The following CTNNA3 variants were observed in gnomAD, a reference collection of about 807,000 sequenced individuals.
CTNNA3 encodes the protein catenin alpha-3.
CTNNA3 carries 76 observed loss-of-function variants against 95.7 expected under a neutral mutation model. The ratio of observed to expected loss-of-function variants is 0.79; its 90% CI spans 0.66 to 0.96. CTNNA3 has a LOEUF of 0.96. CTNNA3 is among the 40% of genes least tolerant of loss of function. The pLI is 0.00. For synonymous variants in CTNNA3, 431 were observed against 374.4 expected (o/e 1.15, Z -1.74); for missense variants, 1,191 against 1,089.8 (o/e 1.09, Z -1.31).
intron 13 of CTNNA3, among the ~76,000 whole-genome samples, chr10:66,208,188 G>A (rs1186933779): frequency 2.0e-5 from 3 of 152,046 alleles, no homozygotes; most frequent in African/African-American, 4.8e-5. Flanking sequence ...TCTCATCTGC[G>A]GGGTAAGAAT....
intron 13 of CTNNA3, among the ~76,000 whole-genome samples, chr10:66,243,875 G>T (rs1251085775): frequency 4.0e-5 from 6 of 151,774 alleles, no homozygotes; most frequent in African/African-American, 1.5e-4. Flanking sequence ...ATGGACCTTG[G>T]GTGAGACTTT....
At chr10:66,427,994 T>C (rs1438321312) in intron 11 of CTNNA3, among the ~76,000 whole-genome samples, 1 of 152,092 alleles carries the variant, frequency 6.6e-6, no homozygotes, top group Non-Finnish European at 1.5e-5. Context: ...CAGTGTGCTG[T>C]ATTCAGGAAA....
chr10:67,221,116 T>C (rs1864631713), intron 5 of CTNNA3, among the ~76,000 whole-genome samples: 1 of 152,124 alleles, frequency 6.6e-6, no homozygotes, highest in Admixed American at 6.5e-5. Context: ...AAAACATTCA[T>C]GAAAAACTGC....
chr10:67,686,662 G>C (rs891706330), intron 1 of CTNNA3, among the ~76,000 whole-genome samples: 7 of 152,098 alleles, frequency 4.6e-5, no homozygotes, highest in African/African-American at 1.7e-4. Context: ...CACTAAGACA[G>C]CCACCGCCAC....
intron 12 of CTNNA3, among the ~76,000 whole-genome samples, chr10:66,330,014 T>C (rs2092305352): frequency 6.6e-6 from 1 of 152,054 alleles, no homozygotes; most frequent in Admixed American, 6.6e-5. Flanking sequence ...AAATAAAATA[T>C]AGAACAGGCA....
chr10:66,746,132 T>A (rs1286180715), intron 9 of CTNNA3, among the ~76,000 whole-genome samples: 2 of 152,164 alleles, frequency 1.3e-5, no homozygotes. Flanking sequence ...AGCTTTTCCA[T>A]CTCTCTGGCT....
intron 2 of CTNNA3, among the ~76,000 whole-genome samples, chr10:67,626,252 G>A (rs566355611): frequency 5.9e-5 from 9 of 151,484 alleles, no homozygotes; most frequent in Non-Finnish European, 1.2e-4. Flanking sequence ...ACTTTTTGGG[G>A]TACCCATTTG....
chr10:66,244,872 T>C (rs1218744701), intron 13 of CTNNA3, among the ~76,000 whole-genome samples: 2 of 152,124 alleles, frequency 1.3e-5, no homozygotes, highest in African/African-American at 4.8e-5. Flanking sequence ...CCAAGAAAAC[T>C]TCACCAAACA....
At chr10:66,089,100 C>G (rs779989094) in intron 14 of CTNNA3, among the ~76,000 whole-genome samples, 2 of 151,740 alleles carry the variant, frequency 1.3e-5, no homozygotes, top group Non-Finnish European at 2.9e-5. Flanking sequence ...AGTTCGCGCC[C>G]CTTTTCTTTT....
chr10:66,115,497 A>T lies in CTNNA3; in HGVS notation c.1885-12248T>A, dbSNP rs540162566. Among the ~76,000 whole-genome samples the T allele has an allele frequency of 1.5e-3, 222 of 151,734 alleles. 1 individual carries two copies. The highest frequency in any genetic ancestry group is 5.2e-3 in the African/African-American group (214 of 41,272). On this transcript the variant is annotated intron_variant, in intron 13 of 17. Transcript: ENST00000433211. The stretch of plus-strand genomic sequence containing the variant: ...AAGAGATGTTGTGGTTTGACTTCCC[A>T]ATGGGGAATATAGATAGATAGATAG...
At chr10:66,964,992 C>G (rs1849320527) in intron 7 of CTNNA3, among the ~76,000 whole-genome samples, 1 of 152,204 alleles carries the variant, frequency 6.6e-6, no homozygotes, top group South Asian at 2.1e-4. Context: ...AAGATGAATT[C>G]TGCAATAAGA....
chr10:66,365,396 G>T (rs1167245984), intron 12 of CTNNA3, among the ~76,000 whole-genome samples: 2 of 152,138 alleles, frequency 1.3e-5, no homozygotes, highest in Non-Finnish European at 2.9e-5. Flanking sequence ...GGGCTGGGGG[G>T]ACTAGGGGAG....
intron 2 of CTNNA3, among the ~76,000 whole-genome samples, chr10:67,614,738 C>G (rs1462336026): frequency 6.6e-6 from 1 of 152,122 alleles, no homozygotes; most frequent in East Asian, 1.9e-4. Flanking sequence ...GGTACTGGCA[C>G]TGGAGGCCTA....
At chr10:66,173,532 A>T (rs1170378958) in intron 13 of CTNNA3, among the ~76,000 whole-genome samples, 2 of 152,032 alleles carry the variant, frequency 1.3e-5, no homozygotes, top group Non-Finnish European at 2.9e-5. Context: ...ATTAAAAAAA[A>T]ATTAGCCAGG....
chr10:67,188,941 A>T (rs1862991506), intron 6 of CTNNA3, among the ~76,000 whole-genome samples: 1 of 152,000 alleles, frequency 6.6e-6, no homozygotes, highest in Non-Finnish European at 1.5e-5. Context: ...ACATGGCAAA[A>T]TCTCATCTCT....
At chr10:66,933,228 C>A (rs960935758) in intron 7 of CTNNA3, among the ~76,000 whole-genome samples, 1 of 152,200 alleles carries the variant, frequency 6.6e-6, no homozygotes, top group Non-Finnish European at 1.5e-5. Flanking sequence ...TCTAGAACAT[C>A]GTCTTTGACT....
intron 7 of CTNNA3, among the ~76,000 whole-genome samples, chr10:67,165,318 G>A (rs1439320771): frequency 6.6e-6 from 1 of 152,096 alleles, no homozygotes; most frequent in Non-Finnish European, 1.5e-5. Flanking sequence ...TAGAAATGGA[G>A]AATAGATTTG....
At chr10:67,394,497 T>C (rs1347155811) in intron 5 of CTNNA3, among the ~76,000 whole-genome samples, 1 of 152,140 alleles carries the variant, frequency 6.6e-6, no homozygotes, top group African/African-American at 2.4e-5. Context: ...GCCACAGAGT[T>C]ACCTTTTTAC....
intron 13 of CTNNA3, among the ~76,000 whole-genome samples, chr10:66,190,666 C>T (rs552642674): frequency 2.0e-5 from 3 of 152,182 alleles, no homozygotes; most frequent in Admixed American, 6.5e-5. Context: ...ATGCATGTTT[C>T]GTTTGTAGCA....
Sources: allele counts gnomAD v4.1 joint callset (sites outside exome capture counted in the v4.1 genomes callset), GRCh38; gene constraint gnomAD v4.1.1; transcripts MANE v1.5; gene names NCBI Gene and HGNC (gene_info 2026-07-23, HGNC 2026-07-21).